Variants in LRRC73 observed in about 807,000 individuals in gnomAD.
LRRC73 encodes the protein leucine rich repeat containing 73.
Under a neutral mutation model 26.4 loss-of-function variants are expected in LRRC73, and 16 were observed. The observed-to-expected ratio is 0.61, with a 90% CI of 0.41 to 0.92. The LOEUF (loss-of-function observed/expected upper bound fraction) is 0.92. Among genes scored for constraint, LRRC73 ranks in the 40% least tolerant of loss-of-function variants. The pLI is 0.00. For missense variants in LRRC73, 344 were observed against 416.3 expected, an observed-to-expected ratio of 0.83 and a Z score of 1.51; for synonymous variants, 210 against 179.8, an observed-to-expected ratio of 1.17 and a Z score of -1.34.
exon 1 of LRRC73, chr6:43,509,937 C>A: frequency 1.3e-5 from 7 of 533,598 alleles, no homozygotes; most frequent in Non-Finnish European, 2.0e-5. Context: ...GCGGAGGCTG[C>A]GGCTGCGGCG....
Position 43,509,450 on chromosome 6 carries a change from G to T in LRRC73, c.272+64C>A. The T allele has an allele frequency of 2.6e-6, 4 of 1,523,998 alleles. No individual in the cohort carries two copies. The South Asian group carries it at 5.1e-5, about 19-fold the overall frequency. 94.4% of individuals were successfully genotyped at this position (1,523,998 alleles called of 1,614,324 possible). Reference sequence around the variant, plus strand: ...CTGGAAGGAGTGTGGAGGAACAGGAGGTGCCAGGGGAGTGTATGGAAGGGT... The same window carrying T: ...CTGGAAGGAGTGTGGAGGAACAGGATGTGCCAGGGGAGTGTATGGAAGGGT... On this transcript the variant is annotated intron_variant, in intron 1 of 5. Transcript: ENST00000372441.
chr6:43,507,029 C>T, exon 6 of LRRC73: 1 of 584,662 alleles, frequency 1.7e-6, no homozygotes, highest in Non-Finnish European at 3.1e-6. Context: ...AGTTCAAAGG[C>T]ATTGCCGTGG....
intron 5 of LRRC73, 69 bp from the exon 6 acceptor site, chr6:43,507,377 G>A: frequency 1.2e-6 from 2 of 1,607,564 alleles, no homozygotes; most frequent in Non-Finnish European, 1.7e-6. Flanking sequence ...ATAGGTGAGA[G>A]CCTAGGTTCT....
At chr6:43,508,739 C>G (rs1251267204) in intron 2 of LRRC73, 21 bp downstream of exon 2, 1 of 1,586,656 alleles carries the variant, frequency 6.3e-7, no homozygotes, top group East Asian at 2.2e-5. Context: ...TAGCCCAAGC[C>G]CTCAACAGGG....
chr6:43,507,099 CACTGCCAGGA>C, exon 6 of LRRC73: 1 of 848,392 alleles, frequency 1.2e-6, no homozygotes, highest in Non-Finnish European at 1.9e-6. Flanking sequence ...CTTCCCACCA[CACTGCCAGGA>C]GCTGCCAGAG....
chr6:43,509,689 G>C (rs1227717773), exon 1 of LRRC73: 1 of 1,591,814 alleles, frequency 6.3e-7, no homozygotes, highest in Non-Finnish European at 8.5e-7. Flanking sequence ...CGCAGTGAGA[G>C]CAGGCGCACG....
chr6:43,507,900 C>G, exon 4 of LRRC73: 1 of 1,613,898 alleles, frequency 6.2e-7, no homozygotes, highest in Non-Finnish European at 8.5e-7. Context: ...GCCACAGCTA[C>G]AGCCAGCATT....
At chr6:43,509,474 G>C in intron 1 of LRRC73, 40 bp downstream of exon 1, 3 of 1,575,706 alleles carry the variant, frequency 1.9e-6, no homozygotes, top group Non-Finnish European at 2.6e-6. Flanking sequence ...GTATGGAAGG[G>C]TGCAGTGCCC....
At chr6:43,508,622 G>A (rs552696382) in intron 2 of LRRC73, 138 bp downstream of exon 2, 167 of 1,400,754 alleles carry the variant, frequency 1.2e-4, no homozygotes, top group African/African-American at 7.9e-4. Context: ...GCTGCCCCCC[G>A]TCCTGCCCCT....
chr6:43,508,434 T>C lies in LRRC73; in HGVS notation c.434-14A>G. On this transcript the variant is annotated splice_polypyrimidine_tract_variant and intron_variant, in intron 2 of 5. Coordinates refer to ENST00000372441, the Ensembl canonical transcript of LRRC73. ...GCTCCTTCAAGCCTGGGCAGCATCA[T>C]AGCAAGAAACCAGAATAGGGAGGGT... 2 of 1,613,230 alleles carry C rather than the reference T, an allele frequency of 1.2e-6. No homozygotes were observed. Among genetic ancestry groups the C allele is most frequent in the African/African-American group, 1.3e-5 (1 of 75,016 alleles).
At chr6:43,507,770 CAT>C in intron 4 of LRRC73, 54 bp downstream of exon 4, 1 of 1,594,394 alleles carries the variant, frequency 6.3e-7, no homozygotes, top group Non-Finnish European at 8.6e-7. Flanking sequence ...TCATCAGACA[CAT>C]AAACTAACCT....
chr6:43,509,797 C>G, exon 1 of LRRC73: 3 of 1,510,524 alleles, frequency 2.0e-6, no homozygotes, highest in Non-Finnish European at 2.6e-6. Context: ...GTGCCCACGG[C>G]TGGGCCTCCG....
At chr6:43,508,402 A>T in exon 3 of LRRC73, 1 of 1,613,620 alleles carries the variant, frequency 6.2e-7, no homozygotes, top group South Asian at 1.1e-5. Flanking sequence ...GTTGGCACTC[A>T]GCGTTAGCTC....
At chr6:43,509,084 T>C (rs536816532) in intron 1 of LRRC73, among the ~76,000 whole-genome samples, 164 bp from the exon 2 acceptor site, 1 of 144,518 alleles carries the variant, frequency 6.9e-6, no homozygotes, top group African/African-American at 2.6e-5. Context: ...GGAATACAGA[T>C]AGAGGGAGAA....
chr6:43,508,441 A>T (rs757522743), intron 2 of LRRC73, 21 bp from the exon 3 acceptor site: 5 of 1,613,070 alleles, frequency 3.1e-6, no homozygotes, highest in Non-Finnish European at 4.2e-6. Flanking sequence ...TCATAGCAAG[A>T]AACCAGAATA....
exon 1 of LRRC73, chr6:43,509,582 C>A: frequency 6.2e-6 from 10 of 1,608,758 alleles, no homozygotes; most frequent in Non-Finnish European, 8.5e-6. Flanking sequence ...TGGGGCTGGA[C>A]ACGACGCCCA....
intron 3 of LRRC73, 106 bp downstream of exon 3, chr6:43,508,192 T>C: frequency 6.8e-7 from 1 of 1,460,474 alleles, no homozygotes; most frequent in South Asian, 1.4e-5. Context: ...GGCTCCCGTT[T>C]CTCTTCCCTC....
At chr6:43,507,792 C>T (rs1792540485) in intron 4 of LRRC73, 34 bp downstream of exon 4, 1 of 1,606,848 alleles carries the variant, frequency 6.2e-7, no homozygotes, top group South Asian at 1.1e-5. Flanking sequence ...TCCACCCCAT[C>T]CCCTGGCCGT....
exon 5 of LRRC73, chr6:43,507,557 T>C: frequency 6.2e-7 from 1 of 1,613,898 alleles, no homozygotes; most frequent in African/African-American, 1.3e-5. Flanking sequence ...CACTTCCTCC[T>C]CCTCCTCTCC....
Sources: allele counts gnomAD v4.1 joint callset (sites outside exome capture counted in the v4.1 genomes callset), GRCh38; gene constraint gnomAD v4.1.1; transcripts MANE v1.5; gene names NCBI Gene and HGNC (gene_info 2026-07-23, HGNC 2026-07-21).